TENM2: variants seen among roughly 807,000 people sequenced by gnomAD.
TENM2 encodes teneurin transmembrane protein 2.
A neutral mutation model predicts 245.2 loss-of-function variants in TENM2; 52 were observed. That is an observed-to-expected ratio of 0.21 (90% CI 0.17 to 0.27). The LOEUF (loss-of-function observed/expected upper bound fraction) is 0.27. TENM2 is among the 10% of genes least tolerant of loss of function. The probability of loss-of-function intolerance (pLI) is 1.00; values close to 1 mark genes in which losing one functional copy is unlikely to be tolerated. For missense variants in TENM2, 3,046 were observed against 3,666.8 expected, an observed-to-expected ratio of 0.83 and a Z score of 4.37; for synonymous variants, 1,363 against 1,438.9, an observed-to-expected ratio of 0.95 and a Z score of 1.19.
intron 2 of TENM2, among the ~76,000 whole-genome samples, chr5:167,534,187 A>G (rs1254086025): frequency 6.6e-6 from 1 of 152,214 alleles, no homozygotes; most frequent in Non-Finnish European, 1.5e-5. Flanking sequence ...TTGATGTCTC[A>G]TAGATGTAAG....
chr5:168,098,128 G>T lies in TENM2; in HGVS notation c.1813+1G>T. 1 of 1,610,182 alleles carries T rather than the reference G, an allele frequency of 6.2e-7. No individual in the cohort carries two copies. The highest frequency in any genetic ancestry group is 2.2e-5 in the East Asian group (1 of 44,808). On this transcript the variant is annotated splice_donor_variant, in intron 9 of 28. Coordinates refer to ENST00000518659, the Ensembl canonical transcript of TENM2. LOFTEE classifies it high-confidence loss of function. The stretch of plus-strand genomic sequence containing the variant: ...TTTCTAGGAGCAGACTGTGCTAAAG[G>T]TATGTGCCGCCACTTCCCTGCTATG...
In TENM2 at chr5:167,353,581, C is replaced by T. The variant is rs371425221; in HGVS notation, c.227-21617C>T. 1.0e-4 allele frequency among the ~76,000 whole-genome samples: 14 copies of T among 133,814 alleles called. No homozygotes were observed. The South Asian group carries it at 2.8e-3, about 27-fold the overall frequency. The allele number at this position is 133,814 out of a possible 152,430, so 87.8% of individuals were successfully genotyped here. ...GGAGTGCAGTGGCGGGATCTCGGCT[C>T]ACTGCAAGCTCCGCCTCCCGGGTTC... On this transcript the variant is annotated intron_variant, in intron 1 of 28. Coordinates refer to ENST00000518659, the Ensembl canonical transcript of TENM2.
chr5:167,898,760 G>T (rs539089213), intron 3 of TENM2, among the ~76,000 whole-genome samples: 2 of 152,198 alleles, frequency 1.3e-5, no homozygotes, highest in African/African-American at 4.8e-5. Context: ...AGAGCCATAG[G>T]CTGGATGAAT....
chr5:167,706,888 G>A (rs1392404372), intron 2 of TENM2, among the ~76,000 whole-genome samples: 14 of 151,804 alleles, frequency 9.2e-5, no homozygotes, highest in African/African-American at 3.1e-4. Flanking sequence ...GGTGGCAGGC[G>A]CCTGTAGTCC....
chr5:167,116,314 T>C, the TENM2 span: 1 of 152,238 alleles, frequency 6.6e-6, no homozygotes, highest in Non-Finnish European at 1.5e-5. Context: ...GGCCAGGCTG[T>C]TGCAGAGTCC....
chr5:167,679,880 T>G (rs1359736115), intron 2 of TENM2, among the ~76,000 whole-genome samples: 10 of 152,214 alleles, frequency 6.6e-5, no homozygotes, highest in Admixed American at 6.5e-4. Context: ...ATTTATGGCT[T>G]ATGGTCCATC....
intron 2 of TENM2, among the ~76,000 whole-genome samples, chr5:167,788,874 A>G (rs1463250350): frequency 6.6e-6 from 1 of 152,144 alleles, no homozygotes. Flanking sequence ...ATTAATGGTC[A>G]AGTAGCCCTT....
intron 2 of TENM2, among the ~76,000 whole-genome samples, chr5:167,847,133 T>G (rs1770118070): frequency 6.6e-6 from 1 of 152,210 alleles, no homozygotes; most frequent in South Asian, 2.1e-4. Flanking sequence ...AAAGATGTTT[T>G]GTAGAGATAG....
At chr5:167,796,907 G>A (rs920538902) in intron 2 of TENM2, among the ~76,000 whole-genome samples, 1 of 151,430 alleles carries the variant, frequency 6.6e-6, no homozygotes, top group Non-Finnish European at 1.5e-5. Flanking sequence ...CCTCCTTGAG[G>A]ATAGATTTTT....
intron 2 of TENM2, among the ~76,000 whole-genome samples, chr5:167,415,325 A>T (rs1032906379): frequency 6.6e-6 from 1 of 152,268 alleles, no homozygotes; most frequent in Admixed American, 6.5e-5. Flanking sequence ...TGATATATGC[A>T]TATTTGTAGC....
intron 2 of TENM2, among the ~76,000 whole-genome samples, chr5:167,375,713 G>T (rs757915343): frequency 1.3e-5 from 2 of 152,054 alleles, no homozygotes; most frequent in East Asian, 3.9e-4. Context: ...GTAGTCAGTT[G>T]GTCTTATTAG....
At chr5:167,445,359 A>AGG (rs1765131081) in intron 2 of TENM2, among the ~76,000 whole-genome samples, 1 of 138,070 alleles carries the variant, frequency 7.2e-6, no homozygotes, top group South Asian at 2.5e-4. Flanking sequence ...AGAGAGAGAG[A>AGG]GAGAGAGAGA....
chr5:167,181,328 T>C, the TENM2 span, among the ~76,000 whole-genome samples: 1 of 152,148 alleles, frequency 6.6e-6, no homozygotes, highest in East Asian at 1.9e-4. Context: ...CTAGTTTTTC[T>C]TCTTCCTTCT....
intron 2 of TENM2, among the ~76,000 whole-genome samples, chr5:167,700,266 G>A (rs536372689): frequency 6.6e-6 from 1 of 152,208 alleles, no homozygotes; most frequent in South Asian, 2.1e-4. Context: ...GAAGATAGAG[G>A]TCATACATGA....
intron 2 of TENM2, among the ~76,000 whole-genome samples, chr5:167,676,202 A>G (rs1756313524): frequency 6.6e-6 from 1 of 152,084 alleles, no homozygotes; most frequent in Non-Finnish European, 1.5e-5. Context: ...GATTATTAGT[A>G]TATTTTTCTA....
At chr5:168,224,627 T>C (rs1763991033) in intron 23 of TENM2, among the ~76,000 whole-genome samples, 1 of 152,058 alleles carries the variant, frequency 6.6e-6, no homozygotes, top group African/African-American at 2.4e-5. Context: ...CAGGGATCCT[T>C]CTCTGAGGAC....
At chr5:167,225,139 A>T in the TENM2 span, among the ~76,000 whole-genome samples, 1 of 151,956 alleles carries the variant, frequency 6.6e-6, no homozygotes, top group African/African-American at 2.4e-5. Flanking sequence ...AGATTGGGTC[A>T]TCTGTAAAGA....
At chr5:167,049,395 A>G in the TENM2 span, among the ~76,000 whole-genome samples, 1 of 152,234 alleles carries the variant, frequency 6.6e-6, no homozygotes, top group African/African-American at 2.4e-5. Flanking sequence ...AAAGAAATAG[A>G]ATTACAAGTG....
At chr5:167,418,882 A>C (rs1763322301) in intron 2 of TENM2, among the ~76,000 whole-genome samples, 1 of 152,164 alleles carries the variant, frequency 6.6e-6, no homozygotes, top group South Asian at 2.1e-4. Flanking sequence ...ATCAAGAATA[A>C]ATACCAATTA....
Sources: gnomAD v4.1 joint callset for allele counts (sites outside exome capture counted in the v4.1 genomes callset) on GRCh38, gnomAD v4.1.1 for gene constraint, MANE v1.5 for transcripts, NCBI Gene and HGNC (gene_info 2026-07-23, HGNC 2026-07-21) for gene names.